RGS14: variants seen among roughly 807,000 people sequenced by gnomAD.
RGS14 encodes the protein regulator of G-protein signaling 14.
Under a neutral mutation model 63.8 loss-of-function variants are expected in RGS14, and 33 were observed. That is an observed-to-expected ratio of 0.52 (90% CI 0.39 to 0.69). The LOEUF is 0.69. RGS14 is among the 30% of genes least tolerant of loss of function. The pLI is 0.00. For synonymous variants in RGS14, 296 were observed against 320.9 expected (o/e 0.92, Z 0.83); for missense variants, 739 against 742.9 (o/e 0.99, Z 0.06).
chr5:177,369,042 C>T lies in RGS14; in HGVS notation c.1053+122C>T, dbSNP rs1000037908. 22 of 903,548 alleles carry T rather than the reference C, an allele frequency of 2.4e-5. No individual in the cohort carries two copies. The African/African-American group carries it at 2.5e-4, about 10-fold the overall frequency. The allele number at this position is 903,548 out of a possible 1,614,324, so 56.0% of individuals were successfully genotyped here. A position where few individuals can be genotyped will look rare whatever the true frequency, so the allele number is the denominator to read the frequency against. ...AAGTTCTAAACCCAACTCCAAAGCA[C>T]CCTCAGCACCAACTTTCACTCACTC... is the stretch of plus-strand genomic sequence containing the variant. On this transcript the variant is annotated intron_variant, in intron 9 of 14. Coordinates refer to ENST00000408923, the MANE Select transcript of RGS14 (RefSeq NM_006480.5).
In RGS14 at chr5:177,367,753, G is replaced by A; in HGVS notation, c.667G>A (p.Val223Met). The A allele has an allele frequency of 6.2e-7, 1 of 1,613,336 alleles. No homozygotes were observed. Among genetic ancestry groups the A allele is most frequent in the Non-Finnish European group, 8.5e-7 (1 of 1,179,804 alleles). Reference sequence around the variant, plus strand: ...GCCCGGGAAGTCGCTGCCGCTGGGTGTGGAGGAGTTGGGGCAGCTGCCACC... The same window carrying A: ...GCCCGGGAAGTCGCTGCCGCTGGGTATGGAGGAGTTGGGGCAGCTGCCACC... ...LKPGKSLPLGVEELGQLPPVE... is the reference protein window; with the variant it reads ...LKPGKSLPLGMEELGQLPPVE... The change falls in exon 7 of 15, where the codon GTG becomes ATG. Residue 223 changes from valine to methionine, a missense_variant. Physicochemically the swap from Val to Met is conservative, Grantham distance 21. Coordinates refer to ENST00000408923, the MANE Select transcript of RGS14 (RefSeq NM_006480.5).
At chr5:177,367,224 GGCGGA>G in intron 5 of RGS14, 185 bp from the exon 6 acceptor site, 1 of 1,081,166 alleles carries the variant, frequency 9.2e-7, no homozygotes, top group Non-Finnish European at 1.3e-6. Context: ...GACAGTTAGA[GGCGGA>G]GCCTAGCTGA....
At chr5:177,360,020 G>A (rs1332748912) in intron 1 of RGS14, among the ~76,000 whole-genome samples, 1 of 152,190 alleles carries the variant, frequency 6.6e-6, no homozygotes, top group South Asian at 2.1e-4. Context: ...AGCTTCAGTT[G>A]TCAGCCTTGC....
Position 177,359,999 on chromosome 5 carries a change from C to CCTG in RGS14, c.45+1934_45+1936dup, listed in dbSNP as rs938071865. Among the ~76,000 whole-genome samples, 1 of 152,208 alleles carries CCTG rather than the reference C, an allele frequency of 6.6e-6. No individual in the cohort carries two copies. Among genetic ancestry groups the CCTG allele is most frequent in the African/African-American group, 2.4e-5 (1 of 41,444 alleles). The stretch of plus-strand genomic sequence containing the variant: ...ACCTCTCCTCTCACCACCATCATTC[C>CCTG]CTGCTGTGGAAGCTTCAGTTGTCAG... On this transcript the variant is annotated intron_variant, in intron 1 of 14. Coordinates refer to ENST00000408923, the MANE Select transcript of RGS14 (RefSeq NM_006480.5). This position sits in a 1 kb window ranked among gnomAD's most constrained non-coding sequence, Gnocchi z 4.4.
At chr5:177,365,257 A>G (rs756643720) in intron 1 of RGS14, among the ~76,000 whole-genome samples, 1 of 152,140 alleles carries the variant, frequency 6.6e-6, no homozygotes, top group African/African-American at 2.4e-5. Flanking sequence ...CAATGCCACA[A>G]TCTCAGCTCA....
intron 2 of RGS14, 71 bp downstream of exon 2, chr5:177,366,055 C>T: frequency 6.3e-7 from 1 of 1,596,894 alleles, no homozygotes; most frequent in Non-Finnish European, 8.6e-7. Context: ...GTGGGGACAC[C>T]CCTGCCACCT....
chr5:177,371,152 C>T lies in RGS14; in HGVS notation c.1255-13C>T. 1 of 1,607,972 alleles carries T rather than the reference C, an allele frequency of 6.2e-7. No homozygotes were observed. Among genetic ancestry groups the T allele is most frequent in the South Asian group, 1.1e-5 (1 of 90,952 alleles). On this transcript the variant is annotated splice_polypyrimidine_tract_variant and intron_variant, in intron 11 of 14. Coordinates refer to ENST00000408923, the MANE Select transcript of RGS14 (RefSeq NM_006480.5). This position sits in a 1 kb window ranked among gnomAD's most constrained non-coding sequence, Gnocchi z 6.1. ...GGAGGCCTGTACCGCGGGCTGCTGA[C>T]CTCTCCCCACAGCCAGGCGAGAAAC...
chr5:177,359,488 G>A lies in RGS14; in HGVS notation c.45+1419G>A, dbSNP rs1761910291. Among the ~76,000 whole-genome samples, 1 of 152,172 alleles carries A rather than the reference G, an allele frequency of 6.6e-6. No individual in the cohort carries two copies. Among genetic ancestry groups the A allele is most frequent in the South Asian group, 2.1e-4 (1 of 4,834 alleles). On this transcript the variant is annotated intron_variant, in intron 1 of 14. Coordinates refer to ENST00000408923, the MANE Select transcript of RGS14 (RefSeq NM_006480.5). The surrounding 1 kb of genome is among the most constrained non-coding windows in gnomAD (Gnocchi z 4.4). ...TTCTGGGACAGTGCCTAGAACTACAGGGCAGCAGAGGGGGCCCAGAGACAG... is the reference window on the plus strand; with the variant it reads ...TTCTGGGACAGTGCCTAGAACTACAAGGCAGCAGAGGGGGCCCAGAGACAG...
chr5:177,369,962 C>T (rs1227304284), intron 9 of RGS14, among the ~76,000 whole-genome samples: 1 of 152,244 alleles, frequency 6.6e-6, no homozygotes, highest in African/African-American at 2.4e-5. Context: ...GCAGTGGGGC[C>T]TCTGAAGGTG....
intron 7 of RGS14, 139 bp downstream of exon 7, chr5:177,367,964 T>TC (rs1762142898): frequency 7.0e-7 from 1 of 1,435,588 alleles, no homozygotes; most frequent in South Asian, 1.5e-5. Context: ...ACCACCACAC[T>TC]CCCCTGGGTG....
In RGS14 at chr5:177,358,001, C is replaced by A; in HGVS notation, c.-24C>A. The A allele has an allele frequency of 1.5e-6, 2 of 1,344,374 alleles. No homozygotes were observed. The highest frequency in any genetic ancestry group is 1.9e-6 in the Non-Finnish European group (2 of 1,038,890). The allele number at this position is 1,344,374 out of a possible 1,614,324, so 83.3% of individuals were successfully genotyped here. A position where few individuals can be genotyped will look rare whatever the true frequency, so the allele number is the denominator to read the frequency against. ...TCCCCATGGTGGGCAGCCCCCGCGG[C>A]GGGGACCCCTGATCGGCAGCGGCAT... On this transcript the variant is annotated 5_prime_UTR_variant, in exon 1 of 15. Coordinates refer to ENST00000408923, the MANE Select transcript of RGS14 (RefSeq NM_006480.5). This position sits in a 1 kb window ranked among gnomAD's most constrained non-coding sequence, Gnocchi z 4.8.
intron 1 of RGS14, among the ~76,000 whole-genome samples, chr5:177,362,773 G>A (rs1761997291): frequency 6.6e-6 from 1 of 152,184 alleles, no homozygotes; most frequent in Non-Finnish European, 1.5e-5. Context: ...CCGGGGGCAG[G>A]GAAAGGGCCC....
At chr5:177,363,858 C>G (rs1762030929) in intron 1 of RGS14, among the ~76,000 whole-genome samples, 1 of 152,144 alleles carries the variant, frequency 6.6e-6, no homozygotes, top group African/African-American at 2.4e-5. Context: ...AAACTGGCCC[C>G]AGAGGCCTCT....
In RGS14 at chr5:177,367,435, G is replaced by C; in HGVS notation, c.505G>C (p.Asp169His). The change falls in exon 6 of 15, where the codon GAC becomes CAC. Residue 169 changes from aspartate (D) to histidine (H), a missense_variant. Physicochemically the swap from Asp to His is moderately conservative, Grantham distance 81. Transcript: ENST00000408923. ...QLQIFNLMKF[D>H]SYARFVKSPL... The stretch of plus-strand genomic sequence containing the variant: ...GCAGATCTTCAACTTGATGAAGTTC[G>C]ACAGCTATGCGCGCTTCGTCAAGTC... 6.2e-7 allele frequency: 1 copy of C among 1,608,978 alleles called. No homozygotes were observed. Among genetic ancestry groups the C allele is most frequent in the South Asian group, 1.1e-5 (1 of 90,348 alleles).
intron 8 of RGS14, 38 bp from the exon 9 acceptor site, chr5:177,368,679 G>A: frequency 1.3e-6 from 2 of 1,599,922 alleles, no homozygotes; most frequent in Non-Finnish European, 8.6e-7. Flanking sequence ...GCCCTTGCAT[G>A]TGTACACATA....
In RGS14 at chr5:177,359,023, T is replaced by C. The variant is rs1048351948; in HGVS notation, c.45+954T>C. ...AGGTTGGAATGAATTTCAAGGCTTG[T>C]TGAGATGATAGAGTGAAATAATGCA... is the stretch of plus-strand genomic sequence containing the variant. On this transcript the variant is annotated intron_variant, in intron 1 of 14. Transcript: ENST00000408923. The surrounding 1 kb of genome is among the most constrained non-coding windows in gnomAD (Gnocchi z 4.4). 6.6e-6 allele frequency among the ~76,000 whole-genome samples: 1 copy of C among 152,182 alleles called. No individual in the cohort carries two copies. The highest frequency in any genetic ancestry group is 1.5e-5 in the Non-Finnish European group (1 of 68,024).
At chr5:177,367,929 G>A (rs1043005073) in intron 7 of RGS14, 104 bp downstream of exon 7, 1 of 1,440,550 alleles carries the variant, frequency 6.9e-7, no homozygotes, top group Non-Finnish European at 9.1e-7. Context: ...GTAAGTCTGT[G>A]AAAATTGAAA....
chr5:177,363,846 T>C (rs1762030732), intron 1 of RGS14, among the ~76,000 whole-genome samples: 1 of 152,100 alleles, frequency 6.6e-6, no homozygotes, highest in African/African-American at 2.4e-5. Context: ...CATAAATGCA[T>C]TAAACTGGCC....
Position 177,367,511 on chromosome 5 carries a change from G to T in RGS14, c.581G>T (p.Arg194Leu), listed in dbSNP as rs746667019. ...GCCGAAGCCGAGGGACGCCCTCTGC[G>T]GGAACCTGGCTCCTCGCGCCTCGGC... ...LLAEAEGRPL[R>L]EPGSSRLGSP... Residue 194 changes from arginine to leucine, a missense_variant, in exon 6 of 15, where the codon CGG (arginine) becomes CTG (leucine). Coordinates refer to ENST00000408923, the MANE Select transcript of RGS14 (RefSeq NM_006480.5). 2.4e-5 allele frequency: 39 copies of T among 1,612,330 alleles called. No individual in the cohort carries two copies. Among genetic ancestry groups the T allele is most frequent in the Non-Finnish European group, 2.8e-5 (33 of 1,179,362 alleles).
Sources: gnomAD v4.1 joint callset for allele counts (sites outside exome capture counted in the v4.1 genomes callset) on GRCh38, gnomAD v4.1.1 for gene constraint, Gnocchi (gnomAD v3.1) non-coding constraint, MANE v1.5 for transcripts, NCBI Gene and HGNC (gene_info 2026-07-23, HGNC 2026-07-21) for gene names.